BBS9: variants seen among roughly 807,000 people sequenced by gnomAD.
BBS9 encodes Bardet-Biedl syndrome 9.
In BBS9, 89 loss-of-function variants were observed where a neutral mutation model predicts 117.7. The ratio of observed to expected loss-of-function variants is 0.76; its 90% confidence interval spans 0.64 to 0.90. The LOEUF (loss-of-function observed/expected upper bound fraction) is 0.90, where lower values mean the gene tolerates loss of function less well. Among genes scored for constraint, BBS9 ranks in the 40% least tolerant of loss-of-function variants. The probability of loss-of-function intolerance (pLI) is 0.00; values close to 1 mark genes in which losing one functional copy is unlikely to be tolerated. For missense variants in BBS9, 982 were observed against 1,042.2 expected, an observed-to-expected ratio of 0.94 and a Z score of 0.80; for synonymous variants, 379 against 370.9, an observed-to-expected ratio of 1.02 and a Z score of -0.25.
At chr7:33,186,676 G>C (rs910528950) in intron 5 of BBS9, among the ~76,000 whole-genome samples, 1 of 152,096 alleles carries the variant, frequency 6.6e-6, no homozygotes, top group East Asian at 1.9e-4. Flanking sequence ...AATATTAATT[G>C]GTTGTATTGG....
chr7:33,215,389 A>G (rs1173228358), intron 5 of BBS9, among the ~76,000 whole-genome samples: 1 of 152,246 alleles, frequency 6.6e-6, no homozygotes, highest in Non-Finnish European at 1.5e-5. Context: ...AGAATATACA[A>G]TGAGGAAACA....
At chr7:33,497,246 A>G (rs1844853366) in intron 19 of BBS9, among the ~76,000 whole-genome samples, 2 of 152,220 alleles carry the variant, frequency 1.3e-5, no homozygotes, top group South Asian at 4.1e-4. Flanking sequence ...TCCATGTGAC[A>G]TCACTTGGGT....
chr7:33,378,638 G>T (rs1824360253), intron 17 of BBS9, among the ~76,000 whole-genome samples: 1 of 152,078 alleles, frequency 6.6e-6, no homozygotes, highest in Non-Finnish European at 1.5e-5. Flanking sequence ...TTTTTTGTTT[G>T]TCAGGACAGT....
chr7:33,480,453 C>T (rs1056925474), intron 19 of BBS9, among the ~76,000 whole-genome samples: 2 of 152,008 alleles, frequency 1.3e-5, no homozygotes, highest in East Asian at 1.9e-4. Flanking sequence ...AAATGAATAG[C>T]GTAGGTAATA....
rs552382124 is a variant in BBS9, at chr7:33,583,418, T to TTA, written c.2522-21437_2522-21436dup. ...CCTGTCCTTTCCCCCTTGATTCTCT[T>TTA]TATATATATATTTCTCACATTGGAT... On this transcript the variant is annotated intron_variant, in intron 21 of 22. Transcript: ENST00000242067. 3.7e-3 allele frequency among the ~76,000 whole-genome samples: 556 copies of TTA among 152,194 alleles called. 6 individuals are homozygous for TTA. The highest frequency in any genetic ancestry group is 0.013 in the African/African-American group (528 of 41,540).
At chr7:33,633,530 T>C (rs1865996890) in intron 21 of BBS9, among the ~76,000 whole-genome samples, 2 of 148,254 alleles carry the variant, frequency 1.3e-5, no homozygotes, top group South Asian at 2.1e-4. Context: ...TTTTTTTTTT[T>C]GAGATTTGAA....
chr7:33,408,401 A>G (rs1043237150), intron 19 of BBS9, among the ~76,000 whole-genome samples: 5 of 152,002 alleles, frequency 3.3e-5, no homozygotes, highest in South Asian at 2.1e-4. Context: ...GAGTGAGGCA[A>G]TGCCTCACCC....
intron 9 of BBS9, among the ~76,000 whole-genome samples, chr7:33,286,283 C>A (rs1802869009): frequency 6.6e-6 from 1 of 152,052 alleles, no homozygotes; most frequent in South Asian, 2.1e-4. Context: ...GTTTTGGGTT[C>A]CTCATTCTGT....
chr7:33,370,124 C>T (rs1822572967), intron 17 of BBS9, among the ~76,000 whole-genome samples: 1 of 152,046 alleles, frequency 6.6e-6, no homozygotes, highest in African/African-American at 2.4e-5. Flanking sequence ...AGACACCAAA[C>T]CAAATTCCCT....
intron 20 of BBS9, among the ~76,000 whole-genome samples, chr7:33,519,434 A>G (rs1469423498): frequency 2.0e-5 from 3 of 152,338 alleles, no homozygotes; most frequent in Middle Eastern, 3.4e-3. Flanking sequence ...CATTAGAATC[A>G]TGTCTGACCA....
chr7:33,415,433 C>G (rs1311868307), intron 19 of BBS9, among the ~76,000 whole-genome samples: 2 of 152,236 alleles, frequency 1.3e-5, no homozygotes, highest in East Asian at 3.9e-4. Flanking sequence ...ACTTCAGTCT[C>G]CATAACCAAC....
At chr7:33,454,582 A>G (rs561673663) in intron 19 of BBS9, among the ~76,000 whole-genome samples, 1 of 152,392 alleles carries the variant, frequency 6.6e-6, no homozygotes, top group South Asian at 2.1e-4. Context: ...TTAACAGGTC[A>G]CTGCCAAGAG....
chr7:33,566,712 AC>A (rs1328103855), intron 21 of BBS9, among the ~76,000 whole-genome samples: 5 of 151,624 alleles, frequency 3.3e-5, no homozygotes, highest in African/African-American at 1.2e-4. Flanking sequence ...CTGTATGTAT[AC>A]AGTGCATTTT....
chr7:33,215,027 C>T (rs1403734164), intron 5 of BBS9, among the ~76,000 whole-genome samples: 1 of 152,162 alleles, frequency 6.6e-6, no homozygotes, highest in Non-Finnish European at 1.5e-5. Flanking sequence ...CCTGTCTCTA[C>T]TAAAAATACA....
chr7:33,550,261 A>G (rs1366089588), intron 21 of BBS9, among the ~76,000 whole-genome samples: 1 of 152,146 alleles, frequency 6.6e-6, no homozygotes, highest in Non-Finnish European at 1.5e-5. Flanking sequence ...TAAATTTGTG[A>G]ATATTATTAA....
At chr7:33,377,200 C>T (rs946389500) in intron 17 of BBS9, among the ~76,000 whole-genome samples, 9 of 152,098 alleles carry the variant, frequency 5.9e-5, no homozygotes, top group African/African-American at 9.7e-5. Flanking sequence ...AAGTCTTTAA[C>T]CCATCTTGAG....
At chr7:33,460,021 T>C (rs1839221616) in intron 19 of BBS9, among the ~76,000 whole-genome samples, 1 of 152,120 alleles carries the variant, frequency 6.6e-6, no homozygotes. Flanking sequence ...CTGATGGTGT[T>C]TGAGACTACT....
downstream of BBS9, among the ~76,000 whole-genome samples, chr7:33,607,672 G>A (rs779567239): frequency 2.0e-5 from 3 of 151,396 alleles, no homozygotes; most frequent in Admixed American, 1.3e-4. Context: ...ATTTCATTTT[G>A]TATACAGTGA....
chr7:33,382,686 T>C (rs1049458065), intron 17 of BBS9, among the ~76,000 whole-genome samples: 1 of 151,838 alleles, frequency 6.6e-6, no homozygotes, highest in African/African-American at 2.4e-5. Flanking sequence ...ACACTATTTC[T>C]CTCATAGGGC....
Sources: allele counts gnomAD v4.1 joint callset (sites outside exome capture counted in the v4.1 genomes callset), GRCh38; gene constraint gnomAD v4.1.1; transcripts MANE v1.5; gene names NCBI Gene and HGNC (gene_info 2026-07-23, HGNC 2026-07-21).